The following GPR141 variants were observed in gnomAD, a reference collection of about 807,000 sequenced individuals.
The protein encoded by GPR141 is G protein-coupled receptor 141, also known as probable G protein-coupled receptor 141.
GPR141 carries 6 observed loss-of-function variants against 6.8 expected under a neutral mutation model. The ratio of observed to expected loss-of-function variants is 0.88; its 90% CI spans 0.48 to 1.74. GPR141 has a LOEUF of 1.74. GPR141 is among the 40% of genes most tolerant of loss of function. The probability of loss-of-function intolerance (pLI) is 0.01; values close to 1 mark genes in which losing one functional copy is unlikely to be tolerated. For synonymous variants in GPR141, 140 were observed against 142.3 expected (o/e 0.98, Z 0.11); for missense variants, 372 against 372.9 (o/e 1.00, Z 0.02).
chr7:37,711,916 G>T (rs1810816254), intron 2 of GPR141, among the ~76,000 whole-genome samples: 1 of 152,190 alleles, frequency 6.6e-6, no homozygotes, highest in South Asian at 2.1e-4. Flanking sequence ...AGTGCTGGAG[G>T]TTTAGAAAAC....
chr7:37,702,323 T>C (rs1810311011), intron 2 of GPR141, among the ~76,000 whole-genome samples: 1 of 152,126 alleles, frequency 6.6e-6, no homozygotes, highest in African/African-American at 2.4e-5. Flanking sequence ...TCTTCTTCCC[T>C]TTTCCCTCCT....
intron 2 of GPR141, among the ~76,000 whole-genome samples, chr7:37,707,899 C>T (rs1000356378): frequency 3.3e-5 from 5 of 152,078 alleles, no homozygotes; most frequent in Non-Finnish European, 7.4e-5. Context: ...GGGTTTTTCT[C>T]GGGAGGCAGA....
chr7:37,706,135 T>TAC (rs980139213), intron 2 of GPR141, among the ~76,000 whole-genome samples: 2 of 152,168 alleles, frequency 1.3e-5, no homozygotes, highest in African/African-American at 2.4e-5. Flanking sequence ...GCATGGTGTT[T>TAC]ACACACACAC....
At chr7:37,722,654 G>A (rs1042795829) in intron 2 of GPR141, among the ~76,000 whole-genome samples, 11 of 151,612 alleles carry the variant, frequency 7.3e-5, no homozygotes, top group African/African-American at 2.7e-4. Flanking sequence ...CCCAGGAGGT[G>A]GAGGTTGCAG....
chr7:37,707,447 G>A (rs1291664765), intron 2 of GPR141, among the ~76,000 whole-genome samples: 1 of 152,140 alleles, frequency 6.6e-6, no homozygotes, highest in African/African-American at 2.4e-5. Context: ...GAAGGTCATT[G>A]ATGAACTACA....
intron 2 of GPR141, among the ~76,000 whole-genome samples, chr7:37,701,598 T>C (rs558130531): frequency 6.6e-6 from 1 of 152,360 alleles, no homozygotes; most frequent in Admixed American, 6.5e-5. Context: ...TAATCATTTG[T>C]TGTTTGCCTG....
chr7:37,736,120 T>C (rs949733312), intron 2 of GPR141, among the ~76,000 whole-genome samples: 1 of 152,106 alleles, frequency 6.6e-6, no homozygotes, highest in East Asian at 1.9e-4. Flanking sequence ...TAGCCGGGTG[T>C]GGAGACCTGT....
At chr7:37,735,408 T>A (rs752342784) in intron 2 of GPR141, among the ~76,000 whole-genome samples, 1 of 152,210 alleles carries the variant, frequency 6.6e-6, no homozygotes, top group Non-Finnish European at 1.5e-5. Flanking sequence ...ATAGCAAAGA[T>A]GTCAGCAGTT....
chr7:37,688,459 T>TAAAA (rs1311921815), intron 2 of GPR141, among the ~76,000 whole-genome samples: 1 of 151,454 alleles, frequency 6.6e-6, no homozygotes, highest in Non-Finnish European at 1.5e-5. Flanking sequence ...AATAAATAAA[T>TAAAA]AAAATTACAA....
intron 2 of GPR141, among the ~76,000 whole-genome samples, chr7:37,686,209 C>T (rs564772941): frequency 6.7e-6 from 1 of 149,660 alleles, no homozygotes; most frequent in East Asian, 2.0e-4. Context: ...ACTATGTTGC[C>T]AAGGCTGGTC....
intron 2 of GPR141, among the ~76,000 whole-genome samples, chr7:37,712,099 T>C (rs2131789711): frequency 6.6e-6 from 1 of 152,308 alleles, no homozygotes; most frequent in Non-Finnish European, 1.5e-5. Flanking sequence ...CTCCCGTTAC[T>C]TGATTAACAG....
At chr7:37,717,142 A>C (rs1811087847) in intron 2 of GPR141, among the ~76,000 whole-genome samples, 1 of 152,242 alleles carries the variant, frequency 6.6e-6, no homozygotes, top group African/African-American at 2.4e-5. Context: ...TGTGTCTTCC[A>C]CTAAGGTGAA....
Position 37,741,195 on chromosome 7 carries a change from ATCT to A in GPR141, c.807_809del (p.Phe269del), listed in dbSNP as rs771985877. On this transcript the variant is annotated inframe_deletion, in exon 3 of 3. Transcript: ENST00000334425. ...CAGCAAGGTTGCATTTTATAACGAA[ATCT>A]TCTTGAGTGTAACAGCAATTAGCTG... 6 of 1,613,838 alleles carry A rather than the reference ATCT, an allele frequency of 3.7e-6. No homozygotes were observed. Among genetic ancestry groups the A allele is most frequent in the Middle Eastern group, 1.6e-4 (1 of 6,062 alleles).
At chr7:37,694,724 G>A (rs1194093249) in intron 2 of GPR141, among the ~76,000 whole-genome samples, 1 of 152,126 alleles carries the variant, frequency 6.6e-6, no homozygotes, top group Non-Finnish European at 1.5e-5. Flanking sequence ...CAGCTCTCAG[G>A]GAAATTCTCA....
rs192467291 is a variant in GPR141, at chr7:37,709,299, G to A, written c.-15+23716G>A. Among the ~76,000 whole-genome samples, 422 of 150,690 alleles carry A rather than the reference G, an allele frequency of 2.8e-3. 4 individuals are homozygous for A. The highest frequency in any genetic ancestry group is 2.9e-3 in the Non-Finnish European group (197 of 67,996). On this transcript the variant is annotated intron_variant, in intron 2 of 2. Coordinates refer to ENST00000334425, the MANE Select transcript of GPR141 (RefSeq NM_001381946.1). The stretch of plus-strand genomic sequence containing the variant: ...TGGTAAAGATCATAGTGTGCATACA[G>A]GGTTGTCTTCTTTATCACAGAAATT...
chr7:37,720,175 GC>G (rs1050204868), intron 2 of GPR141, among the ~76,000 whole-genome samples: 9 of 152,126 alleles, frequency 5.9e-5, no homozygotes, highest in Non-Finnish European at 1.2e-4. Context: ...CAGGAGTTGG[GC>G]AGAAGGCAGG....
rs1301958927 is a variant in GPR141 at position 37,740,484 on chromosome 7, G to A, written c.91G>A (p.Gly31Arg). 23 of 1,613,770 alleles carry A rather than the reference G, an allele frequency of 1.4e-5. No homozygotes were observed. Among genetic ancestry groups the A allele is most frequent in the East Asian group, 1.1e-4 (5 of 44,886 alleles). Reference protein sequence around the residue: ...ISLYFIVLIGGLVGVISILFL... With the variant: ...ISLYFIVLIGRLVGVISILFL... ...CCTCTACTTCATAGTGCTTATTGGC[G>A]GGCTGGTGGGTGTCATTTCCATTCT... Residue 31 changes from glycine to arginine, a missense_variant, in exon 3 of 3, where the codon GGG (glycine) becomes AGG (arginine). By Grantham distance (125) the Gly-to-Arg change is moderately radical (BLOSUM62 -2). Coordinates refer to ENST00000334425, the MANE Select transcript of GPR141 (RefSeq NM_001381946.1).
intron 2 of GPR141, among the ~76,000 whole-genome samples, chr7:37,696,436 A>T (rs1042039494): frequency 6.6e-6 from 1 of 152,124 alleles, no homozygotes; most frequent in African/African-American, 2.4e-5. Flanking sequence ...TTTTTCATGC[A>T]TTACCGCCCA....
chr7:37,687,593 T>C (rs1003147972), intron 2 of GPR141, among the ~76,000 whole-genome samples: 5 of 152,114 alleles, frequency 3.3e-5, no homozygotes, highest in African/African-American at 1.2e-4. Context: ...GTCCCAAATA[T>C]AATCCAAAGA....
Sources: gnomAD v4.1 joint callset for allele counts (sites outside exome capture counted in the v4.1 genomes callset) on GRCh38, gnomAD v4.1.1 for gene constraint, MANE v1.5 for transcripts, NCBI Gene and HGNC (gene_info 2026-07-23, HGNC 2026-07-21) for gene names.